The following LYRM9 variants were observed in gnomAD, a reference collection of about 807,000 sequenced individuals.
LYRM9 encodes the protein LYR motif containing 9, also known as LYR motif-containing protein 9.
LYRM9 carries 14 observed loss-of-function variants against 12.6 expected under a neutral mutation model. That is an observed-to-expected ratio of 1.11 (90% CI 0.73 to 1.73). The LOEUF (loss-of-function observed/expected upper bound fraction) is 1.73, where lower values mean the gene tolerates loss of function less well. Among genes scored for constraint, LYRM9 ranks in the 40% most tolerant of loss-of-function variants. LYRM9 has a pLI of 0.00. For synonymous variants in LYRM9, 42 were observed against 35.1 expected (o/e 1.20, Z -0.69); for missense variants, 94 against 95.0 (o/e 0.99, Z 0.04).
At chr17:27,881,909 C>A (rs1455634370) in intron 2 of LYRM9, among the ~76,000 whole-genome samples, 3 of 152,048 alleles carry the variant, frequency 2.0e-5, no homozygotes, top group Non-Finnish European at 2.9e-5. Context: ...CGGGCTCAAG[C>A]AATCCTCCCA....
Position 27,886,659 on chromosome 17 carries a change from T to A in LYRM9, c.-18-3947A>T, listed in dbSNP as rs56951684. On this transcript the variant is annotated intron_variant, in intron 1 of 3. Coordinates refer to ENST00000379102, the MANE Select transcript of LYRM9 (RefSeq NM_001076680.3). This position sits in a 1 kb window ranked among gnomAD's most constrained non-coding sequence, Gnocchi z 4.8. ...TCTTTTCTTTTCTTTTTTTATTTTT[T>A]TTTTTTTGAGACAGAGTTTCGCTCT... is the stretch of plus-strand genomic sequence containing the variant. 3.3e-5 allele frequency among the ~76,000 whole-genome samples: 5 copies of A among 150,504 alleles called. No homozygotes were observed. The South Asian group carries it at 6.2e-4, about 19-fold the overall frequency.
At position 27,880,325 on chromosome 17, in the gene LYRM9, G is replaced by T. The variant is rs370520575; in HGVS notation, c.168C>A (p.Ile56=). 15 of 1,609,980 alleles carry T rather than the reference G, an allele frequency of 9.3e-6. No homozygotes were observed. The highest frequency in any genetic ancestry group is 1.3e-5 in the Non-Finnish European group (15 of 1,178,030). ...VHSDEDNPER[I]QQIIKRAIED... ...CAATGGCTCTTTTAATAATCTGCTG[G>T]ATTCTCTCAGGGTTGTCTTCATCTG... The change falls in exon 3 of 4, where the codon ATC becomes ATA. Residue 56 remains isoleucine, a synonymous_variant. Coordinates refer to ENST00000379102, the MANE Select transcript of LYRM9 (RefSeq NM_001076680.3).
chr17:27,890,633 C>T (rs1905403875), intron 1 of LYRM9, among the ~76,000 whole-genome samples: 1 of 152,140 alleles, frequency 6.6e-6, no homozygotes, highest in South Asian at 2.1e-4. Flanking sequence ...CTGTCCTTTT[C>T]CCTAATCTAT....
Position 27,882,572 on chromosome 17 carries a change from C to T in LYRM9, c.123G>A (p.Arg41=). 1 of 1,587,938 alleles carries T rather than the reference C, an allele frequency of 6.3e-7. No homozygotes were observed. ...ACCTGGTAGAGCCAGCTCGCACCTG[C>T]CTGACAGCATGCTTGTAATGCTGCT... ...GIQQHYKHAV[R]QSFRVHSDED... is the part of the protein sequence containing the mutation. Residue 41 remains arginine (R), a synonymous_variant, in exon 2 of 4, where the codon AGG becomes AGA. Coordinates refer to ENST00000379102, the MANE Select transcript of LYRM9 (RefSeq NM_001076680.3).
Position 27,882,726 on chromosome 17 carries a change from A to C in LYRM9, c.-18-14T>G. On this transcript the variant is annotated splice_polypyrimidine_tract_variant and intron_variant, in intron 1 of 3. Transcript: ENST00000379102. ...GACCCTCTGTCCCTGGAAAACAAGC[A>C]GGATCACTTCCAGGGCATCAAGCCA... is the stretch of plus-strand genomic sequence containing the variant. The C allele has an allele frequency of 1.3e-6, 2 of 1,572,698 alleles. No homozygotes were observed. Among genetic ancestry groups the C allele is most frequent in the Non-Finnish European group, 1.7e-6 (2 of 1,159,018 alleles).
chr17:27,884,107 T>C (rs1023079111), intron 1 of LYRM9, among the ~76,000 whole-genome samples: 2 of 150,624 alleles, frequency 1.3e-5, no homozygotes, highest in African/African-American at 2.4e-5. Context: ...AATGGAATTA[T>C]ACAGCAAGCT....
intron 1 of LYRM9, among the ~76,000 whole-genome samples, chr17:27,889,304 CTTTTTTCTTTTTTTT>C (rs1905342611): frequency 6.6e-6 from 1 of 151,118 alleles, no homozygotes; most frequent in Non-Finnish European, 1.5e-5. Context: ...CTCTTTTTTT[CTTTTTTCTTTTTTTT>C]TTTTTGAGAC....
Position 27,879,314 on chromosome 17 carries a change from C to A in LYRM9, c.*159G>T. ...ACATAAAGGATGCTAGCAACATGGC[C>A]GCGGCAAGAGGAGCCTCTGGAGCAA... On this transcript the variant is annotated 3_prime_UTR_variant, in exon 4 of 4. Transcript: ENST00000379102. 1 of 637,096 alleles carries A rather than the reference C, an allele frequency of 1.6e-6. No individual in the cohort carries two copies. The highest frequency in any genetic ancestry group is 2.5e-6 in the Non-Finnish European group (1 of 403,258). The allele number at this position is 637,096 out of a possible 1,614,324, so 39.5% of individuals were successfully genotyped here.
At position 27,886,640 on chromosome 17, in the gene LYRM9, CTT is replaced by C. The variant is rs996540208; in HGVS notation, c.-18-3930_-18-3929del. On this transcript the variant is annotated intron_variant, in intron 1 of 3. Coordinates refer to ENST00000379102, the MANE Select transcript of LYRM9 (RefSeq NM_001076680.3). The surrounding 1 kb of genome is among the most constrained non-coding windows in gnomAD (Gnocchi z 4.8). ...CCCATGCCACTGGTTTCTTTCTTTT[CTT>C]TTCTTTTTTTATTTTTTTTTTTTTG... Among the ~76,000 whole-genome samples, 5 of 119,694 alleles carry C rather than the reference CTT, an allele frequency of 4.2e-5. No individual in the cohort carries two copies. Among genetic ancestry groups the C allele is most frequent in the South Asian group, 6.2e-4 (2 of 3,208 alleles). 78.5% of individuals were successfully genotyped at this position (119,694 alleles called of 152,430 possible). A position where few individuals can be genotyped will look rare whatever the true frequency, so the allele number is the denominator to read the frequency against.
At chr17:27,889,188 CACCTCCTTTG>C (rs1221303237) in intron 1 of LYRM9, among the ~76,000 whole-genome samples, 1 of 152,220 alleles carries the variant, frequency 6.6e-6, no homozygotes, top group Non-Finnish European at 1.5e-5. Flanking sequence ...GTGGCCCTGT[CACCTCCTTTG>C]ACCTGGGAAT....
intron 3 of LYRM9, 40 bp from the exon 4 acceptor site, chr17:27,879,530 A>G: frequency 6.5e-7 from 1 of 1,548,932 alleles, no homozygotes; most frequent in East Asian, 2.5e-5. Flanking sequence ...AGGGAAGCCA[A>G]CAGGGGCAGG....
Position 27,879,474 on chromosome 17 carries a change from CAGTT to C in LYRM9, c.232_235del (p.Asn78GlufsTer58). 1 of 1,551,716 alleles carries C rather than the reference CAGTT, an allele frequency of 6.4e-7. No homozygotes were observed. On this transcript the variant is annotated frameshift_variant and stop_lost, in exon 4 of 4. Transcript: ENST00000379102. LOFTEE classifies it high-confidence loss of function. ...CAGGAAGGCTCACCCTCGGAGCTCTCAGTTTTGTTTTTTATACTGCAAGACAGAG... is the reference window on the plus strand; with the variant it reads ...CAGGAAGGCTCACCCTCGGAGCTCTCTTGTTTTTTATACTGCAAGACAGAG...
intron 2 of LYRM9, among the ~76,000 whole-genome samples, 160 bp downstream of exon 2, chr17:27,882,409 G>A (rs1905090279): frequency 6.6e-6 from 1 of 152,182 alleles, no homozygotes; most frequent in Non-Finnish European, 1.5e-5. Flanking sequence ...TGGACAGAGA[G>A]GAGCTGGGCT....
At chr17:27,889,021 A>T (rs75128708) in intron 1 of LYRM9, among the ~76,000 whole-genome samples, 300 of 152,252 alleles carry the variant, frequency 2.0e-3, no homozygotes, top group Non-Finnish European at 2.6e-3. Context: ...TCCCTTTTCC[A>T]ATGTAAGCAG....
At chr17:27,883,537 C>A (rs1905134726) in intron 1 of LYRM9, among the ~76,000 whole-genome samples, 1 of 151,626 alleles carries the variant, frequency 6.6e-6, no homozygotes, top group Non-Finnish European at 1.5e-5. Flanking sequence ...GTAATCCCAG[C>A]TACTTGGGAG....
chr17:27,879,879 A>G, intron 3 of LYRM9: 1 of 579,858 alleles, frequency 1.7e-6, no homozygotes, highest in Non-Finnish European at 3.0e-6. Context: ...TGTTTCCTCC[A>G]TAATTCTGCC....
At chr17:27,883,349 G>A (rs530866908) in intron 1 of LYRM9, 5 of 201,202 alleles carry the variant, frequency 2.5e-5, no homozygotes, top group African/African-American at 4.7e-5. Context: ...GCGTGGGCAC[G>A]TGATTTCATT....
intron 1 of LYRM9, among the ~76,000 whole-genome samples, chr17:27,884,041 G>A (rs938995247): frequency 5.3e-5 from 2 of 37,638 alleles, no homozygotes; most frequent in African/African-American, 2.0e-4. Flanking sequence ...CCTCCCTCCC[G>A]CCCTCCCGAC....
chr17:27,880,784 C>A lies in LYRM9; in HGVS notation c.127-418G>T, dbSNP rs75163092. 3.1e-3 allele frequency: 597 copies of A among 190,398 alleles called. 9 individuals carry two copies. The highest frequency in any genetic ancestry group is 0.013 in the African/African-American group (564 of 42,566). 11.8% of individuals were successfully genotyped at this position (190,398 alleles called of 1,614,324 possible). A position where few individuals can be genotyped will look rare whatever the true frequency, so the allele number is the denominator to read the frequency against. ...AGGGAGGAAGAAGTAGGACTTCTCT[C>A]GGCCCAGTGCTAGGAGAGCTACACA... On this transcript the variant is annotated intron_variant, in intron 2 of 3. Coordinates refer to ENST00000379102, the MANE Select transcript of LYRM9 (RefSeq NM_001076680.3).
Sources: gnomAD v4.1 joint callset for allele counts (sites outside exome capture counted in the v4.1 genomes callset) on GRCh38, gnomAD v4.1.1 for gene constraint, Gnocchi (gnomAD v3.1) non-coding constraint, MANE v1.5 for transcripts, NCBI Gene and HGNC (gene_info 2026-07-23, HGNC 2026-07-21) for gene names.